Variants in POLN observed in about 807,000 individuals in gnomAD.
POLN encodes DNA polymerase nu.
In POLN, 108 loss-of-function variants were observed where a neutral mutation model predicts 113.5. That is an observed-to-expected ratio of 0.95 (90% CI 0.81 to 1.12). The LOEUF (loss-of-function observed/expected upper bound fraction) is 1.12, where lower values mean the gene tolerates loss of function less well. POLN is among the 50% of genes most tolerant of loss of function. The pLI is 0.00. For missense variants in POLN, 1,097 were observed against 1,077.1 expected (o/e 1.02, Z -0.26); for synonymous variants, 386 against 391.5 (o/e 0.99, Z 0.17).
intron 8 of POLN, 142 bp from the exon 9 acceptor site, chr4:2,176,476 G>A (rs1440980972): frequency 4.9e-6 from 3 of 618,362 alleles, no homozygotes; most frequent in Non-Finnish European, 8.0e-6. Flanking sequence ...GTACGTGGTA[G>A]TATCACCAAA....
rs187390878 is a variant in POLN at position 2,198,367 on chromosome 4, T to C, written c.908+157A>G. Among the ~76,000 whole-genome samples the C allele has an allele frequency of 5.9e-5, 9 of 152,258 alleles. No individual in the cohort carries two copies. The East Asian group carries it at 1.4e-3, about 23-fold the overall frequency. ...TCTCTGGGAGAGAGAGGGCCAGTAT[T>C]TGCAGAGATTTCTATCACTTGGATC... On this transcript the variant is annotated intron_variant, in intron 6 of 25. Transcript: ENST00000511885.
chr4:2,093,123 G>C lies in POLN; in HGVS notation c.2065+2728C>G, dbSNP rs1256003977. On this transcript the variant is annotated intron_variant, in intron 20 of 25. Coordinates refer to ENST00000511885, the MANE Select transcript of POLN (RefSeq NM_181808.4). This position sits in a 1 kb window ranked among gnomAD's most constrained non-coding sequence, Gnocchi z 4.1. The stretch of plus-strand genomic sequence containing the variant: ...AAAAAAAAAAAAAGTGAATACTCCA[G>C]AAGGAGCCAAACGGGTGGCAGAGAA... Among the ~76,000 whole-genome samples the C allele has an allele frequency of 1.3e-5, 2 of 151,736 alleles. No homozygotes were observed. Among genetic ancestry groups the C allele is most frequent in the African/African-American group, 4.9e-5 (2 of 41,230 alleles).
chr4:2,217,308 C>T (rs1471840416), intron 3 of POLN, among the ~76,000 whole-genome samples: 1 of 152,236 alleles, frequency 6.6e-6, no homozygotes, highest in Non-Finnish European at 1.5e-5. Context: ...CTAAATCAGG[C>T]TGTTCAGAGC....
intron 16 of POLN, among the ~76,000 whole-genome samples, chr4:2,134,852 T>A (rs1309040347): frequency 5.3e-5 from 8 of 152,208 alleles, no homozygotes; most frequent in Admixed American, 5.2e-4. Context: ...AATACGTGCG[T>A]GTTTACTGAA....
intron 23 of POLN, chr4:2,076,246 G>C (rs535287607): frequency 2.0e-5 from 3 of 152,958 alleles, no homozygotes; most frequent in African/African-American, 7.2e-5. Flanking sequence ...TCATGGCTCC[G>C]GGCAATCAGC....
intron 19 of POLN, among the ~76,000 whole-genome samples, chr4:2,121,350 T>C (rs1731435227): frequency 6.6e-6 from 1 of 151,330 alleles, no homozygotes; most frequent in African/African-American, 2.4e-5. Flanking sequence ...CAGGAGAATC[T>C]CTTGAACCTG....
intron 19 of POLN, among the ~76,000 whole-genome samples, chr4:2,117,988 T>G (rs1048545397): frequency 2.6e-5 from 4 of 152,224 alleles, no homozygotes; most frequent in African/African-American, 9.6e-5. Flanking sequence ...GGTGGTTCTT[T>G]GGGCAGTACA....
At position 2,078,889 on chromosome 4, in the gene POLN, T is replaced by G. The variant is rs979671581; in HGVS notation, c.2387+2069A>C. 4 of 985,346 alleles carry G rather than the reference T, an allele frequency of 4.1e-6. No homozygotes were observed. In the African/African-American group the frequency reaches 7.0e-5, roughly 17 times the overall value. The allele number at this position is 985,346 out of a possible 1,614,324, so 61.0% of individuals were successfully genotyped here. Reference sequence around the variant, plus strand: ...CAGAGAGAGACCTCAGCTCCTCACATGCCAACTTCCTTTATCAATTCCACA... The same window carrying G: ...CAGAGAGAGACCTCAGCTCCTCACAGGCCAACTTCCTTTATCAATTCCACA... On this transcript the variant is annotated intron_variant, in intron 23 of 25. Transcript: ENST00000511885.
intron 19 of POLN, among the ~76,000 whole-genome samples, chr4:2,096,418 T>C (rs945156784): frequency 2.0e-5 from 3 of 152,034 alleles, no homozygotes; most frequent in Non-Finnish European, 2.9e-5. Context: ...AGCATTCAGA[T>C]AGAATAAGGA....
chr4:2,207,182 G>A (rs575195197), intron 5 of POLN, among the ~76,000 whole-genome samples: 1 of 152,108 alleles, frequency 6.6e-6, no homozygotes. Flanking sequence ...CTTACTTATA[G>A]GTGGGAGCTA....
At chr4:2,081,086 G>T in intron 22 of POLN, 50 bp from the exon 23 acceptor site, 1 of 1,612,218 alleles carries the variant, frequency 6.2e-7, no homozygotes, top group Non-Finnish European at 8.5e-7. Flanking sequence ...ACGGTTCATG[G>T]TGCACTCAGC....
intron 3 of POLN, among the ~76,000 whole-genome samples, chr4:2,225,509 G>T (rs139941842): frequency 6.6e-6 from 1 of 151,156 alleles, no homozygotes; most frequent in Non-Finnish European, 1.5e-5. Flanking sequence ...AGCCGAGATC[G>T]CACCACTGTA....
intron 7 of POLN, among the ~76,000 whole-genome samples, chr4:2,183,707 TG>T (rs1219309662): frequency 6.6e-6 from 1 of 152,052 alleles, no homozygotes; most frequent in Non-Finnish European, 1.5e-5. Flanking sequence ...GGTTTTTTTT[TG>T]GGGTGACAAA....
intron 2 of POLN, among the ~76,000 whole-genome samples, chr4:2,235,244 T>G (rs943307153): frequency 1.3e-5 from 2 of 152,236 alleles, no homozygotes; most frequent in Admixed American, 1.3e-4. Context: ...ACCATCGCAG[T>G]GGAAATTTTT....
intron 11 of POLN, among the ~76,000 whole-genome samples, chr4:2,173,581 A>G (rs970601292): frequency 5.3e-5 from 8 of 152,064 alleles, no homozygotes; most frequent in African/African-American, 1.9e-4. Context: ...GTGTTTTCTT[A>G]AGAAAACTGA....
intron 20 of POLN, chr4:2,088,886 C>A: frequency 7.0e-7 from 1 of 1,420,754 alleles, no homozygotes; most frequent in South Asian, 1.3e-5. Context: ...TCGCTTGCAG[C>A]TTTTTAGTGG....
At chr4:2,192,971 C>T (rs10009082) in intron 7 of POLN, among the ~76,000 whole-genome samples, 38,814 of 151,950 alleles carry the variant, frequency 0.26, 7,859 homozygotes, top group African/African-American at 0.55. Context: ...CATAAGTTAA[C>T]TCTTTCCTAT....
At chr4:2,128,649 G>A (rs906211967) in intron 18 of POLN, among the ~76,000 whole-genome samples, 5 of 138,688 alleles carry the variant, frequency 3.6e-5, no homozygotes, top group East Asian at 2.1e-4. Flanking sequence ...AGGCCGCAGC[G>A]AGCAGGGCAG....
chr4:2,126,842 A>G lies in POLN; in HGVS notation c.1982+1271T>C, dbSNP rs1014211942. 2.7e-4 allele frequency among the ~76,000 whole-genome samples: 41 copies of G among 152,116 alleles called. No individual in the cohort carries two copies. The highest frequency in any genetic ancestry group is 4.1e-4 in the South Asian group (2 of 4,830). ...GCCTAGCCAGGGCAGCTGAAGAGGG[A>G]GCACCAGGAGAGTGGGTGGCAACCA... On this transcript the variant is annotated intron_variant, in intron 19 of 25. Transcript: ENST00000511885. The surrounding 1 kb of genome is among the most constrained non-coding windows in gnomAD (Gnocchi z 4.6).
Sources: gnomAD v4.1 joint callset for allele counts (sites outside exome capture counted in the v4.1 genomes callset) on GRCh38, gnomAD v4.1.1 for gene constraint, Gnocchi (gnomAD v3.1) non-coding constraint, MANE v1.5 for transcripts, NCBI Gene and HGNC (gene_info 2026-07-23, HGNC 2026-07-21) for gene names.